EYA2: variants seen among roughly 807,000 people sequenced by gnomAD.
The protein encoded by EYA2 is EYA transcriptional coactivator and phosphatase 2, also known as protein phosphatase EYA2.
EYA2 carries 31 observed loss-of-function variants against 69.2 expected under a neutral mutation model. That is an observed-to-expected ratio of 0.45 (90% CI 0.34 to 0.60). EYA2 has a LOEUF of 0.60. Among genes scored for constraint, EYA2 ranks in the 20% least tolerant of loss-of-function variants. The probability of loss-of-function intolerance (pLI) is 0.02; values close to 1 mark genes in which losing one functional copy is unlikely to be tolerated. For missense variants in EYA2, 622 were observed against 701.2 expected, an observed-to-expected ratio of 0.89 and a Z score of 1.28; for synonymous variants, 257 against 279.4, an observed-to-expected ratio of 0.92 and a Z score of 0.80.
At chr20:47,064,351 T>C (rs1258069074) in intron 5 of EYA2, among the ~76,000 whole-genome samples, 4 of 152,252 alleles carry the variant, frequency 2.6e-5, no homozygotes, top group Non-Finnish European at 4.4e-5. Flanking sequence ...TTCCATTGTA[T>C]GGCTGAACCA....
intron 14 of EYA2, among the ~76,000 whole-genome samples, 154 bp downstream of exon 14, chr20:47,181,090 AC>A (rs1479188989): frequency 1.3e-5 from 2 of 152,168 alleles, no homozygotes; most frequent in Non-Finnish European, 2.9e-5. Flanking sequence ...GCCCCCATAG[AC>A]CACATGCCTT....
intron 5 of EYA2, among the ~76,000 whole-genome samples, chr20:47,040,503 G>A (rs1358085781): frequency 6.6e-6 from 1 of 152,178 alleles, no homozygotes; most frequent in African/African-American, 2.4e-5. Context: ...GTGAGAAAAC[G>A]CCGAGTTGGG....
chr20:47,124,711 GA>G (rs2033134987), intron 9 of EYA2, among the ~76,000 whole-genome samples: 1 of 152,202 alleles, frequency 6.6e-6, no homozygotes, highest in East Asian at 1.9e-4. Context: ...CAAGACCCAG[GA>G]AACCCCTCAA....
chr20:47,128,603 A>G (rs2033258757), intron 9 of EYA2, among the ~76,000 whole-genome samples: 1 of 151,718 alleles, frequency 6.6e-6, no homozygotes, highest in East Asian at 1.9e-4. Flanking sequence ...TTATGTTACT[A>G]GTTCCCATGA....
intron 1 of EYA2, among the ~76,000 whole-genome samples, chr20:46,925,880 G>A (rs1488988112): frequency 1.3e-5 from 2 of 152,058 alleles, no homozygotes; most frequent in Non-Finnish European, 1.5e-5. Flanking sequence ...AGCCTTATTT[G>A]TAACAGCAGA....
chr20:47,020,040 TG>T (rs1322635151), intron 5 of EYA2, among the ~76,000 whole-genome samples: 1 of 149,180 alleles, frequency 6.7e-6, no homozygotes, highest in African/African-American at 2.5e-5. Context: ...GAAGCTGAGG[TG>T]GAAGGATTGC....
At chr20:47,011,793 C>A (rs1983073392) in intron 4 of EYA2, among the ~76,000 whole-genome samples, 1 of 152,158 alleles carries the variant, frequency 6.6e-6, no homozygotes, top group African/African-American at 2.4e-5. Flanking sequence ...CTACCTCCTT[C>A]CCTGCTTCAT....
intron 1 of EYA2, among the ~76,000 whole-genome samples, chr20:46,897,548 C>A (rs868490194): frequency 6.6e-6 from 1 of 152,238 alleles, no homozygotes; most frequent in Non-Finnish European, 1.5e-5. Flanking sequence ...CATTCTCTCT[C>A]CTTCCACCAG....
At chr20:46,961,622 G>A (rs1979484550) in intron 1 of EYA2, among the ~76,000 whole-genome samples, 1 of 152,178 alleles carries the variant, frequency 6.6e-6, no homozygotes, top group Non-Finnish European at 1.5e-5. Flanking sequence ...CAACCTAAGT[G>A]TCCATCAGCA....
At chr20:47,051,425 C>A (rs530090426) in intron 5 of EYA2, among the ~76,000 whole-genome samples, 1 of 152,198 alleles carries the variant, frequency 6.6e-6, no homozygotes, top group South Asian at 2.1e-4. Context: ...CCAAAAATTA[C>A]AGCAGATTGG....
At chr20:47,094,727 C>T (rs987838012) in intron 8 of EYA2, among the ~76,000 whole-genome samples, 1 of 152,158 alleles carries the variant, frequency 6.6e-6, no homozygotes, top group South Asian at 2.1e-4. Context: ...AGAAAATCAA[C>T]AGTATGAAAA....
At chr20:47,088,335 CAG>C (rs1374563185) in intron 7 of EYA2, among the ~76,000 whole-genome samples, 1 of 152,212 alleles carries the variant, frequency 6.6e-6, no homozygotes, top group East Asian at 1.9e-4. Flanking sequence ...ACCTCTGGGG[CAG>C]AGAGAGGGGA....
intron 1 of EYA2, among the ~76,000 whole-genome samples, 197 bp from the exon 2 acceptor site, chr20:46,989,804 G>C (rs77996681): frequency 1.3e-5 from 2 of 152,146 alleles, no homozygotes; most frequent in Non-Finnish European, 2.9e-5. Flanking sequence ...ATTCTCCAGC[G>C]GGGAGCAAGA....
At chr20:46,918,275 C>A (rs1006423091) in intron 1 of EYA2, among the ~76,000 whole-genome samples, 4 of 149,782 alleles carry the variant, frequency 2.7e-5, no homozygotes, top group African/African-American at 9.8e-5. Context: ...GAGCCGAGAT[C>A]GCGCCAGTGC....
chr20:47,147,260 G>A (rs868262172), intron 10 of EYA2, among the ~76,000 whole-genome samples: 2 of 151,912 alleles, frequency 1.3e-5, no homozygotes, highest in Non-Finnish European at 2.9e-5. Context: ...TGTTGGGCAC[G>A]GTGGTCTCGA....
At chr20:47,183,984 C>T (rs1215140433) in intron 15 of EYA2, among the ~76,000 whole-genome samples, 4 of 152,094 alleles carry the variant, frequency 2.6e-5, no homozygotes, top group Non-Finnish European at 5.9e-5. Flanking sequence ...ACCTGGTTTC[C>T]CCCATCTCTG....
intron 5 of EYA2, among the ~76,000 whole-genome samples, chr20:47,027,954 C>A (rs557086622): frequency 1.3e-5 from 2 of 152,274 alleles, no homozygotes; most frequent in East Asian, 1.9e-4. Context: ...GTTTCCCGCC[C>A]CTAAAATTCA....
intron 15 of EYA2, among the ~76,000 whole-genome samples, chr20:47,185,021 C>T (rs1294245931): frequency 6.6e-6 from 1 of 152,168 alleles, no homozygotes; most frequent in Non-Finnish European, 1.5e-5. Flanking sequence ...CTCTCTCAGC[C>T]TGACAAATGG....
rs542785923 is a variant in EYA2, at chr20:46,963,029, C to T, written c.-10-26972C>T. Among the ~76,000 whole-genome samples the T allele has an allele frequency of 7.2e-5, 11 of 152,280 alleles. No individual in the cohort carries two copies. The East Asian group carries it at 1.4e-3, about 19-fold the overall frequency. ...GCTCCCTCGCTCTACCCCTCCACCC[C>T]GTGGGATGACGGCAAGTGGCGTTTT... On this transcript the variant is annotated intron_variant, in intron 1 of 15. Transcript: ENST00000327619.
Sources: gnomAD v4.1 joint callset for allele counts (sites outside exome capture counted in the v4.1 genomes callset) on GRCh38, gnomAD v4.1.1 for gene constraint, MANE v1.5 for transcripts, NCBI Gene and HGNC (gene_info 2026-07-23, HGNC 2026-07-21) for gene names.